CADPS2: variants seen among roughly 807,000 people sequenced by gnomAD.
CADPS2 encodes the protein calcium dependent secretion activator 2.
CADPS2 carries 93 observed loss-of-function variants against 172.5 expected under a neutral mutation model. That is an observed-to-expected ratio of 0.54 (90% CI 0.46 to 0.64). The LOEUF is 0.64. CADPS2 is among the 30% of genes least tolerant of loss of function. CADPS2 has a pLI of 0.00. For missense variants in CADPS2, 1,420 were observed against 1,565.9 expected (o/e 0.91, Z 1.57); for synonymous variants, 546 against 555.2 (o/e 0.98, Z 0.23).
chr7:122,628,002 C>T (rs1301819680), intron 4 of CADPS2, among the ~76,000 whole-genome samples: 2 of 152,116 alleles, frequency 1.3e-5, no homozygotes, highest in Non-Finnish European at 2.9e-5. Context: ...GCTATCCTTT[C>T]AATCACTGCC....
intron 11 of CADPS2, among the ~76,000 whole-genome samples, chr7:122,487,917 T>C (rs567085646): frequency 1.3e-5 from 2 of 152,160 alleles, no homozygotes; most frequent in East Asian, 1.9e-4. Context: ...TTTAAAAACA[T>C]AGAGATGAAC....
At chr7:122,747,996 C>A (rs187749077) in intron 1 of CADPS2, among the ~76,000 whole-genome samples, 1 of 152,264 alleles carries the variant, frequency 6.6e-6, no homozygotes, top group African/African-American at 2.4e-5. Context: ...GCTTATGTGG[C>A]CTTTTCCTTA....
chr7:122,506,721 G>A (rs1458019787), intron 9 of CADPS2, among the ~76,000 whole-genome samples: 1 of 107,448 alleles, frequency 9.3e-6, no homozygotes, highest in Non-Finnish European at 2.1e-5. Flanking sequence ...TGCTGCTAGA[G>A]TTATTTAAAA....
intron 1 of CADPS2, among the ~76,000 whole-genome samples, chr7:122,819,889 C>T (rs1299338772): frequency 1.3e-5 from 2 of 152,084 alleles, no homozygotes; most frequent in African/African-American, 4.8e-5. Context: ...CCTAATCACC[C>T]TTACCCCACT....
At chr7:122,446,825 G>A (rs1205862684) in intron 15 of CADPS2, among the ~76,000 whole-genome samples, 3 of 152,138 alleles carry the variant, frequency 2.0e-5, no homozygotes, top group Non-Finnish European at 2.9e-5. Flanking sequence ...TCTGGATCAT[G>A]GCCTGGAAAT....
intron 8 of CADPS2, among the ~76,000 whole-genome samples, chr7:122,547,630 T>A (rs2063761173): frequency 6.6e-6 from 1 of 152,110 alleles, no homozygotes; most frequent in Non-Finnish European, 1.5e-5. Flanking sequence ...GCAATCAAAT[T>A]TAGTTGGGAA....
chr7:122,883,351 C>G (rs553348116), intron 1 of CADPS2, among the ~76,000 whole-genome samples: 1 of 152,258 alleles, frequency 6.6e-6, no homozygotes, highest in African/African-American at 2.4e-5. Flanking sequence ...TTTCAGATCT[C>G]AATTTCTGGG....
At chr7:122,714,111 T>C (rs2089228608) in intron 2 of CADPS2, among the ~76,000 whole-genome samples, 1 of 152,084 alleles carries the variant, frequency 6.6e-6, no homozygotes, top group Non-Finnish European at 1.5e-5. Flanking sequence ...AGAAAGCAAA[T>C]GTTTGTATAA....
intron 25 of CADPS2, among the ~76,000 whole-genome samples, chr7:122,377,978 C>G (rs1469875080): frequency 6.6e-6 from 1 of 152,114 alleles, no homozygotes; most frequent in Non-Finnish European, 1.5e-5. Context: ...TCCCATTACC[C>G]AGAGAAAAGC....
intron 9 of CADPS2, among the ~76,000 whole-genome samples, chr7:122,495,659 T>C (rs1219295347): frequency 6.6e-6 from 1 of 152,196 alleles, no homozygotes; most frequent in East Asian, 1.9e-4. Flanking sequence ...GCTTCTCTAG[T>C]ACCACTTCAA....
At chr7:122,713,356 T>G (rs2089072513) in intron 2 of CADPS2, among the ~76,000 whole-genome samples, 1 of 152,116 alleles carries the variant, frequency 6.6e-6, no homozygotes, top group Non-Finnish European at 1.5e-5. Context: ...TAAACTCATG[T>G]GCCTTAGTTC....
chr7:122,629,785 C>T (rs2076406960), intron 3 of CADPS2, among the ~76,000 whole-genome samples: 1 of 152,096 alleles, frequency 6.6e-6, no homozygotes. Flanking sequence ...ATACAACTTT[C>T]TACCACTTAA....
At chr7:122,771,954 G>A (rs925303454) in intron 1 of CADPS2, among the ~76,000 whole-genome samples, 1 of 152,154 alleles carries the variant, frequency 6.6e-6, no homozygotes, top group Non-Finnish European at 1.5e-5. Context: ...AATCAGGTAG[G>A]GGGACAACTT....
chr7:122,493,108 A>G (rs1438930769), intron 9 of CADPS2, among the ~76,000 whole-genome samples: 1 of 152,204 alleles, frequency 6.6e-6, no homozygotes, highest in South Asian at 2.1e-4. Flanking sequence ...AAAGTAAAAA[A>G]GGCAAAGCAA....
rs545572285 is a variant in CADPS2 at position 122,323,420 on chromosome 7, T to C, written c.3717+2057A>G. On this transcript the variant is annotated intron_variant, in intron 29 of 29. Coordinates refer to ENST00000449022, the MANE Select transcript of CADPS2 (RefSeq NM_017954.11). ...AATGGAAATGTCACTATATAATTAA[T>C]AAAATTATTGTTCTTTTATGCTAAA... Among the ~76,000 whole-genome samples the C allele has an allele frequency of 1.5e-3, 221 of 152,264 alleles. 1 individual carries two copies. Among genetic ancestry groups the C allele is most frequent in the Non-Finnish European group, 1.7e-3 (117 of 67,996 alleles).
chr7:122,397,062 A>C (rs993891105), intron 20 of CADPS2, among the ~76,000 whole-genome samples: 2 of 152,170 alleles, frequency 1.3e-5, no homozygotes, highest in African/African-American at 4.8e-5. Context: ...TATAAGTTCT[A>C]TTTTTAACCC....
chr7:122,601,984 C>T (rs1343666122), intron 6 of CADPS2, among the ~76,000 whole-genome samples: 2 of 151,806 alleles, frequency 1.3e-5, no homozygotes, highest in Non-Finnish European at 2.9e-5. Flanking sequence ...TGCCATTAAC[C>T]TTACTAAATA....
chr7:122,868,326 C>T (rs1818818591), intron 1 of CADPS2, among the ~76,000 whole-genome samples: 1 of 152,126 alleles, frequency 6.6e-6, no homozygotes, highest in African/African-American at 2.4e-5. Context: ...GTACAAGATT[C>T]TTCCTCAGAC....
chr7:122,413,875 C>T (rs2047592682), intron 19 of CADPS2, among the ~76,000 whole-genome samples, 193 bp downstream of exon 19: 1 of 152,092 alleles, frequency 6.6e-6, no homozygotes, highest in African/African-American at 2.4e-5. Context: ...ACTATGCAAG[C>T]AATTATTAAT....
Sources: gnomAD v4.1 joint callset for allele counts (sites outside exome capture counted in the v4.1 genomes callset) on GRCh38, gnomAD v4.1.1 for gene constraint, MANE v1.5 for transcripts, NCBI Gene and HGNC (gene_info 2026-07-23, HGNC 2026-07-21) for gene names.